NCALD: variants seen among roughly 807,000 people sequenced by gnomAD.
The protein encoded by NCALD is neurocalcin delta, also known as neurocalcin-delta.
A neutral mutation model predicts 18.6 loss-of-function variants in NCALD; 10 were observed. The observed-to-expected ratio is 0.54, with a 90% confidence interval of 0.33 to 0.91. The LOEUF (loss-of-function observed/expected upper bound fraction) is 0.91, where lower values mean the gene tolerates loss of function less well. NCALD is among the 40% of genes least tolerant of loss of function. The probability of loss-of-function intolerance (pLI) is 0.03; values close to 1 mark genes in which losing one functional copy is unlikely to be tolerated. For missense variants in NCALD, 184 were observed against 247.6 expected (o/e 0.74, Z 1.72); for synonymous variants, 88 against 87.4 (o/e 1.01, Z -0.04).
intron 1 of NCALD, chr8:101,750,772 G>T (rs567630143): frequency 6.6e-6 from 1 of 152,292 alleles, no homozygotes; most frequent in South Asian, 2.1e-4. Context: ...TCCGGGGGAA[G>T]TGAGAAGCCC....
rs550563385 is a variant in NCALD, at chr8:101,957,634, A to C, written c.-156-41776T>G. 1.7e-4 allele frequency among the ~76,000 whole-genome samples: 26 copies of C among 152,294 alleles called. 1 individual carries two copies. The South Asian group carries it at 5.2e-3, about 30-fold the overall frequency. On this transcript the variant is annotated intron_variant, in intron 2 of 6. Coordinates refer to the NCALD transcript ENST00000311028. ...GAAAGGGACACAAAGTGAACAGAGC[A>C]CTTGAGGAATCTGGCTCAACCGTTG...
chr8:101,935,115 C>T (rs997800007), intron 2 of NCALD, among the ~76,000 whole-genome samples: 11 of 151,854 alleles, frequency 7.2e-5, no homozygotes, highest in South Asian at 2.1e-4. Flanking sequence ...AAATTTAAGA[C>T]GAAGGAGTAG....
chr8:101,857,797 T>A (rs1586643102), intron 4 of NCALD, among the ~76,000 whole-genome samples: 1 of 152,242 alleles, frequency 6.6e-6, no homozygotes, highest in East Asian at 1.9e-4. Flanking sequence ...GTGGCCAACC[T>A]GTTTTGGTTT....
intron 2 of NCALD, among the ~76,000 whole-genome samples, chr8:102,002,464 T>C (rs1005532844): frequency 7.2e-5 from 11 of 152,284 alleles, no homozygotes; most frequent in African/African-American, 2.6e-4. Context: ...ATTAGACAGA[T>C]CAATGAGACA....
intron 4 of NCALD, among the ~76,000 whole-genome samples, chr8:101,879,505 C>T (rs60087234): frequency 6.6e-6 from 1 of 152,084 alleles, no homozygotes; most frequent in Non-Finnish European, 1.5e-5. Context: ...CAGTACAGAC[C>T]CAAAGAGCAA....
chr8:101,864,887 C>T (rs185858664), intron 4 of NCALD, among the ~76,000 whole-genome samples: 2 of 152,282 alleles, frequency 1.3e-5, no homozygotes, highest in East Asian at 1.9e-4. Flanking sequence ...TGAGCCACCA[C>T]GCCCAGCTGG....
chr8:101,992,460 T>G (rs1821083478), intron 2 of NCALD, among the ~76,000 whole-genome samples: 1 of 152,150 alleles, frequency 6.6e-6, no homozygotes, highest in Non-Finnish European at 1.5e-5. Flanking sequence ...ATCAAACTAT[T>G]GAGGAGATCT....
intron 1 of NCALD, among the ~76,000 whole-genome samples, chr8:101,722,268 T>C (rs1300934771): frequency 1.3e-5 from 2 of 152,198 alleles, no homozygotes; most frequent in Non-Finnish European, 2.9e-5. Flanking sequence ...GTCCTTTTTT[T>C]CCCCTGGAGA....
Position 102,050,383 on chromosome 8 carries a change from C to T in NCALD, c.-209-30094G>A, listed in dbSNP as rs375681063. ...TGTATTTATTTTGGAATATTTTAAA[C>T]GAACAGAATTAATGTTATGTAATTG... is the stretch of plus-strand genomic sequence containing the variant. On this transcript the variant is annotated intron_variant, in intron 1 of 6. Coordinates refer to the NCALD transcript ENST00000311028. Among the ~76,000 whole-genome samples the T allele has an allele frequency of 4.6e-5, 7 of 150,970 alleles. No homozygotes were observed. The East Asian group carries it at 7.7e-4, about 17-fold the overall frequency.
At chr8:102,103,980 G>A (rs902946816) in intron 1 of NCALD, among the ~76,000 whole-genome samples, 2 of 152,220 alleles carry the variant, frequency 1.3e-5, no homozygotes, top group South Asian at 2.1e-4. Flanking sequence ...AAAGAGACAC[G>A]GCAATTCTGT....
At chr8:102,108,799 T>A (rs1825555670) in intron 1 of NCALD, among the ~76,000 whole-genome samples, 1 of 152,186 alleles carries the variant, frequency 6.6e-6, no homozygotes, top group Non-Finnish European at 1.5e-5. Context: ...AGATTCTACT[T>A]ATAGTGATCA....
intron 1 of NCALD, among the ~76,000 whole-genome samples, chr8:102,055,292 C>A (rs1823613517): frequency 6.6e-6 from 1 of 151,010 alleles, no homozygotes; most frequent in Admixed American, 6.6e-5. Context: ...GGGGCCATGC[C>A]TAGTACTTTG....
At chr8:101,872,066 T>C in intron 4 of NCALD, 1 of 1,433,690 alleles carries the variant, frequency 7.0e-7, no homozygotes, top group African/African-American at 1.4e-5. Flanking sequence ...ATGGGCAGAT[T>C]CCTATCAGGA....
At chr8:102,096,300 C>T (rs1289444621) in intron 1 of NCALD, among the ~76,000 whole-genome samples, 3 of 152,168 alleles carry the variant, frequency 2.0e-5, no homozygotes, top group African/African-American at 7.2e-5. Context: ...TGTGTCTTCA[C>T]GTTGTCTCCC....
chr8:102,003,435 G>A (rs778497969), intron 2 of NCALD, among the ~76,000 whole-genome samples: 23 of 152,142 alleles, frequency 1.5e-4, no homozygotes, highest in Non-Finnish European at 2.2e-4. Flanking sequence ...ATTCACAGCC[G>A]AATTCTACCA....
chr8:102,092,912 G>A (rs796374275), intron 1 of NCALD, among the ~76,000 whole-genome samples: 36 of 152,156 alleles, frequency 2.4e-4, no homozygotes, highest in African/African-American at 7.7e-4. Flanking sequence ...GCACCTCTAC[G>A]CCTCCATTGG....
At chr8:102,001,115 T>G (rs1346059002) in intron 2 of NCALD, among the ~76,000 whole-genome samples, 2 of 152,048 alleles carry the variant, frequency 1.3e-5, no homozygotes, top group Admixed American at 6.5e-5. Flanking sequence ...GGCAAAGAAG[T>G]TAAAAACCTT....
intron 2 of NCALD, among the ~76,000 whole-genome samples, chr8:101,702,237 T>C (rs1815302164): frequency 6.6e-6 from 1 of 152,096 alleles, no homozygotes; most frequent in African/African-American, 2.4e-5. Flanking sequence ...TCATTCTTTT[T>C]TTTTTTTCTT....
chr8:101,841,794 A>G (rs532596462), intron 4 of NCALD, among the ~76,000 whole-genome samples: 1 of 152,258 alleles, frequency 6.6e-6, no homozygotes, highest in South Asian at 2.1e-4. Flanking sequence ...AGCATGCAAC[A>G]TAATTCTGGC....
Sources: gnomAD v4.1 joint callset for allele counts (sites outside exome capture counted in the v4.1 genomes callset) on GRCh38, gnomAD v4.1.1 for gene constraint, MANE v1.5 for transcripts, NCBI Gene and HGNC (gene_info 2026-07-23, HGNC 2026-07-21) for gene names.